Variants in HTT observed in about 807,000 individuals in gnomAD.
The protein encoded by HTT is huntington disease protein.
Under a neutral mutation model 362.3 loss-of-function variants are expected in HTT, and 104 were observed. The ratio of observed to expected loss-of-function variants is 0.29; its 90% CI spans 0.24 to 0.34. The LOEUF (loss-of-function observed/expected upper bound fraction) is 0.34, where lower values mean the gene tolerates loss of function less well. Ranked by LOEUF, HTT falls within the 10% of genes least tolerant of loss-of-function variation. HTT has a pLI of 1.00. For missense variants in HTT, 3,301 were observed against 3,928.6 expected, an observed-to-expected ratio of 0.84 and a Z score of 4.27; for synonymous variants, 1,577 against 1,548.7, an observed-to-expected ratio of 1.02 and a Z score of -0.43.
At position 3,228,512 on chromosome 4, in the gene HTT, C is replaced by A; in HGVS notation, c.7849-103C>A. On this transcript the variant is annotated intron_variant, in intron 57 of 66. Transcript: ENST00000355072. The surrounding 1 kb of genome is among the most constrained non-coding windows in gnomAD (Gnocchi z 4.3). ...TGAACGACCCTTGCTAAGGGGCAGA[C>A]TGTTAGACGGTAGGCATGTGCTGAG... 7.4e-7 allele frequency: 1 copy of A among 1,350,460 alleles called. No individual in the cohort carries two copies. Among genetic ancestry groups the A allele is most frequent in the Non-Finnish European group, 1.0e-6 (1 of 996,518 alleles). The allele number at this position is 1,350,460 out of a possible 1,614,324, so 83.7% of individuals were successfully genotyped here.
At chr4:3,111,414 G>C (rs1008662385) in intron 6 of HTT, among the ~76,000 whole-genome samples, 32 of 152,168 alleles carry the variant, frequency 2.1e-4, no homozygotes, top group African/African-American at 7.5e-4. Flanking sequence ...GGCTGGTCTC[G>C]AACGCCTGAC....
chr4:3,143,893 A>G (rs1716473857), intron 23 of HTT, among the ~76,000 whole-genome samples: 2 of 152,156 alleles, frequency 1.3e-5, no homozygotes, highest in Admixed American at 6.5e-5. Context: ...GTGAGCCACC[A>G]TGCCTGGCCT....
At chr4:3,200,285 G>A (rs1289893936) in intron 41 of HTT, among the ~76,000 whole-genome samples, 1 of 152,178 alleles carries the variant, frequency 6.6e-6, no homozygotes, top group East Asian at 1.9e-4. Flanking sequence ...ATGTTGCAAT[G>A]TCTTAACCTC....
chr4:3,074,737 C>A lies in HTT; in HGVS notation c.-89C>A. 7.3e-7 allele frequency: 1 copy of A among 1,379,244 alleles called. No individual in the cohort carries two copies. Among genetic ancestry groups the A allele is most frequent in the African/African-American group, 1.5e-5 (1 of 66,314 alleles). The allele number at this position is 1,379,244 out of a possible 1,614,324, so 85.4% of individuals were successfully genotyped here. ...CTCAGGTTCTGCTTTTACCTGCGGC[C>A]CAGAGCCCCATTCATTGCCCCGGTG... On this transcript the variant is annotated 5_prime_UTR_variant, in exon 1 of 67. Transcript: ENST00000355072.
chr4:3,239,029 A>G, intron 66 of HTT, 51 bp downstream of exon 66: 2 of 1,530,688 alleles, frequency 1.3e-6, no homozygotes, highest in Non-Finnish European at 1.8e-6. Flanking sequence ...GTCAACACCG[A>G]GGCTCATGTT....
chr4:3,132,469 T>C (rs1578523541), intron 16 of HTT, 93 bp from the exon 17 acceptor site: 2 of 1,059,776 alleles, frequency 1.9e-6, no homozygotes, highest in East Asian at 5.1e-5. Context: ...TCTTCACACC[T>C]CTTTTTCTCT....
In HTT at chr4:3,206,672, A is replaced by G; in HGVS notation, c.5895A>G (p.Ser1965=). 1 of 1,614,028 alleles carries G rather than the reference A, an allele frequency of 6.2e-7. No homozygotes were observed. The highest frequency in any genetic ancestry group is 1.3e-5 in the African/African-American group (1 of 75,050). Residue 1965 remains serine (S), a synonymous_variant, in exon 43 of 67, where the codon TCA becomes TCG. Transcript: ENST00000355072. This position sits in a 1 kb window ranked among gnomAD's most constrained non-coding sequence, Gnocchi z 4.6. ...TTCAGTCTCGTTGTGAAAACCTTTC[A>G]ACTGTACGTCTTCATCCTGCCGACT... is the stretch of plus-strand genomic sequence containing the variant. ...QAIQSRCENL[S]TPTMLKKTLQ...
chr4:3,143,873 G>T (rs1441303962), intron 23 of HTT, among the ~76,000 whole-genome samples: 1 of 152,118 alleles, frequency 6.6e-6, no homozygotes, highest in Admixed American at 6.6e-5. Context: ...AAAGTGCTGG[G>T]ATTACAGGTG....
intron 63 of HTT, 22 bp from the exon 64 acceptor site, chr4:3,236,127 G>T (rs370507011): frequency 2.5e-6 from 4 of 1,570,866 alleles, no homozygotes; most frequent in Non-Finnish European, 1.8e-6. Context: ...GGTAACCTTC[G>T]TACTGAACAC....
intron 49 of HTT, 119 bp downstream of exon 49, chr4:3,212,828 C>T: frequency 9.5e-7 from 1 of 1,055,626 alleles, no homozygotes. Context: ...GTCACTTTTC[C>T]ATCTCAGCCT....
At chr4:3,089,694 C>T (rs1713400135) in intron 2 of HTT, among the ~76,000 whole-genome samples, 1 of 152,214 alleles carries the variant, frequency 6.6e-6, no homozygotes, top group Non-Finnish European at 1.5e-5. Flanking sequence ...CTCTTTCAAT[C>T]TGAGTGCGTC....
At chr4:3,229,762 C>T (rs1456890356) in intron 59 of HTT, 125 bp from the exon 60 acceptor site, 43 of 1,034,302 alleles carry the variant, frequency 4.2e-5, no homozygotes, top group African/African-American at 1.1e-4. Context: ...CGCACACATG[C>T]GTCCCGCACA....
chr4:3,147,970 G>A (rs775338610), intron 25 of HTT, 35 bp from the exon 26 acceptor site: 6 of 1,535,538 alleles, frequency 3.9e-6, no homozygotes, highest in Non-Finnish European at 5.4e-6. Context: ...CCATGCTATT[G>A]GGGTGGAGAG....
At chr4:3,231,431 C>A (rs1296472846) in intron 60 of HTT, among the ~76,000 whole-genome samples, 1 of 152,176 alleles carries the variant, frequency 6.6e-6, no homozygotes, top group Non-Finnish European at 1.5e-5. Context: ...CTTGGCCCCA[C>A]CCTAGGCGGC....
chr4:3,100,961 T>C (rs934655664), intron 3 of HTT, among the ~76,000 whole-genome samples: 8 of 152,196 alleles, frequency 5.3e-5, no homozygotes, highest in Non-Finnish European at 7.3e-5. Flanking sequence ...ACGCCTGGGC[T>C]CAAGTGATCC....
At position 3,107,535 on chromosome 4, in the gene HTT, G is replaced by A. The variant is rs1372146222; in HGVS notation, c.747+112G>A. On this transcript the variant is annotated intron_variant, in intron 6 of 66. Transcript: ENST00000355072. ...GTGGGAGTGCTTCTTGGGGTATGTT[G>A]TATGTCGTAATTTAGACTACCATCA... is the stretch of plus-strand genomic sequence containing the variant. 3 of 1,036,116 alleles carry A rather than the reference G, an allele frequency of 2.9e-6. No individual in the cohort carries two copies. The African/African-American group carries it at 4.8e-5, about 17-fold the overall frequency. 64.2% of individuals were successfully genotyped at this position (1,036,116 alleles called of 1,614,324 possible).
At chr4:3,172,816 A>G in intron 30 of HTT, 92 bp from the exon 31 acceptor site, 1 of 884,378 alleles carries the variant, frequency 1.1e-6, no homozygotes, top group Non-Finnish European at 1.9e-6. Flanking sequence ...TAACATATCC[A>G]GTTATTTACA....
chr4:3,118,264 T>C (rs1398893832), intron 8 of HTT, among the ~76,000 whole-genome samples: 3 of 152,256 alleles, frequency 2.0e-5, no homozygotes. Context: ...TTTTAAAAAG[T>C]ATTGAAACTA....
In HTT at chr4:3,131,273, G is replaced by T. The variant is rs756956656; in HGVS notation, c.1987-13G>T. On this transcript the variant is annotated splice_polypyrimidine_tract_variant and intron_variant, in intron 14 of 66. Coordinates refer to ENST00000355072, the MANE Select transcript of HTT (RefSeq NM_001388492.1). ...GAGTATGAGACAAACAAGTGTCATT[G>T]TCTCCTTTCTAGCCTTGCCGCATCA... is the stretch of plus-strand genomic sequence containing the variant. 2 of 1,578,798 alleles carry T rather than the reference G, an allele frequency of 1.3e-6. No homozygotes were observed. Among genetic ancestry groups the T allele is most frequent in the South Asian group, 2.2e-5 (2 of 90,294 alleles).
Sources: allele counts gnomAD v4.1 joint callset (sites outside exome capture counted in the v4.1 genomes callset), GRCh38; gene constraint gnomAD v4.1.1; non-coding constraint Gnocchi (gnomAD v3.1); transcripts MANE v1.5; gene names NCBI Gene and HGNC (gene_info 2026-07-23, HGNC 2026-07-21).